Variants in CHDH observed in about 807,000 individuals in gnomAD.
CHDH encodes the protein choline dehydrogenase, mitochondrial.
Under a neutral mutation model 56.9 loss-of-function variants are expected in CHDH, and 43 were observed. The observed-to-expected ratio is 0.76, with a 90% CI of 0.59 to 0.97. The LOEUF (loss-of-function observed/expected upper bound fraction) is 0.97. Ranked by LOEUF, CHDH falls within the 50% of genes least tolerant of loss-of-function variation. CHDH has a pLI of 0.00. For synonymous variants in CHDH, 364 were observed against 348.5 expected, an observed-to-expected ratio of 1.04 and a Z score of -0.50; for missense variants, 816 against 821.1, an observed-to-expected ratio of 0.99 and a Z score of 0.08.
chr3:53,826,077 A>T (rs1308576115), intron 2 of CHDH, among the ~76,000 whole-genome samples: 1 of 152,168 alleles, frequency 6.6e-6, no homozygotes, highest in Non-Finnish European at 1.5e-5. Flanking sequence ...TCACACAAGC[A>T]GAAAGACACT....
Position 53,814,448 on chromosome 3 carries a change from G to C in CHDH, c.*3329C>G, listed in dbSNP as rs1035600244. On this transcript the variant is annotated 3_prime_UTR_variant, in exon 9 of 9. Coordinates refer to ENST00000315251, the MANE Select transcript of CHDH (RefSeq NM_018397.5). ...GGACTAGGAGGGCAGGAGACAATGA[G>C]GAGCAGGCCTGGGCCCTGGTTCCAA... is the stretch of plus-strand genomic sequence containing the variant. 1 of 152,196 alleles carries C rather than the reference G, an allele frequency of 6.6e-6. No individual in the cohort carries two copies. Among genetic ancestry groups the C allele is most frequent in the Non-Finnish European group, 1.5e-5 (1 of 68,034 alleles). 9.4% of individuals were successfully genotyped at this position (152,196 alleles called of 1,614,324 possible). A position where few individuals can be genotyped will look rare whatever the true frequency, so the allele number is the denominator to read the frequency against.
rs2095615549 is a variant in CHDH, at chr3:53,816,140, CCCCCCG to C, written c.*1631_*1636del. 8.3e-6 allele frequency: 1 copy of C among 120,762 alleles called. No homozygotes were observed. The highest frequency in any genetic ancestry group is 3.4e-5 in the African/African-American group (1 of 29,218). 7.5% of individuals were successfully genotyped at this position (120,762 alleles called of 1,614,324 possible). On this transcript the variant is annotated 3_prime_UTR_variant, in exon 9 of 9. Coordinates refer to ENST00000315251, the MANE Select transcript of CHDH (RefSeq NM_018397.5). ...AACTTGTGGCTGTCGGACGCCCCCC[CCCCCCG>C]CCCCAGTCTGTAAGCCGCCCCAATC...
chr3:53,827,522 G>C (rs917808767), intron 2 of CHDH, among the ~76,000 whole-genome samples: 2 of 152,188 alleles, frequency 1.3e-5, no homozygotes, highest in Non-Finnish European at 2.9e-5. Flanking sequence ...GTAACTGGGT[G>C]TGGTGGTGCA....
chr3:53,812,550 A>G lies in CHDH; in HGVS notation c.*5227T>C, dbSNP rs1559737809. Reference sequence around the variant, plus strand: ...ACCTTTGGATCCACCATGGGTTGCAACTGTCTTTGGTTTTGTTTGTTTGAC... The same window carrying G: ...ACCTTTGGATCCACCATGGGTTGCAGCTGTCTTTGGTTTTGTTTGTTTGAC... On this transcript the variant is annotated 3_prime_UTR_variant, in exon 9 of 9. Transcript: ENST00000315251. The G allele has an allele frequency of 1.3e-5, 2 of 149,186 alleles. No homozygotes were observed. Among genetic ancestry groups the G allele is most frequent in the African/African-American group, 5.1e-5 (2 of 39,382 alleles). The allele number at this position is 149,186 out of a possible 1,614,324, so 9.2% of individuals were successfully genotyped here.
At chr3:53,836,084 G>A (rs549876602) in intron 2 of CHDH, among the ~76,000 whole-genome samples, 5 of 152,334 alleles carry the variant, frequency 3.3e-5, no homozygotes, top group Middle Eastern at 3.4e-3. Flanking sequence ...GAGCACAACC[G>A]TCTGAATACC....
intron 2 of CHDH, among the ~76,000 whole-genome samples, chr3:53,838,806 T>G (rs996111173): frequency 6.6e-6 from 1 of 152,146 alleles, no homozygotes; most frequent in Non-Finnish European, 1.5e-5. Context: ...TATATAAAAA[T>G]GCACTATCCG....
At chr3:53,840,787 T>A (rs1407380639) in intron 2 of CHDH, 142 bp downstream of exon 2, 3 of 152,224 alleles carry the variant, frequency 2.0e-5, no homozygotes, top group Non-Finnish European at 2.9e-5. Context: ...AACATCTCTG[T>A]GGCACAGGGC....
chr3:53,832,513 C>G (rs915653856), intron 2 of CHDH, among the ~76,000 whole-genome samples: 1 of 151,682 alleles, frequency 6.6e-6, no homozygotes, highest in Non-Finnish European at 1.5e-5. Context: ...GCCTGGGCGA[C>G]AGAGCGAGAC....
At position 53,819,379 on chromosome 3, in the gene CHDH, G is replaced by A. The variant is rs187018201; in HGVS notation, c.1263+153C>T. Among the ~76,000 whole-genome samples, 34 of 152,264 alleles carry A rather than the reference G, an allele frequency of 2.2e-4. No individual in the cohort carries two copies. The highest frequency in any genetic ancestry group is 1.2e-3 in the East Asian group (6 of 5,188). On this transcript the variant is annotated intron_variant, in intron 7 of 8. Coordinates refer to ENST00000315251, the MANE Select transcript of CHDH (RefSeq NM_018397.5). This position sits in a 1 kb window ranked among gnomAD's most constrained non-coding sequence, Gnocchi z 5.4. Reference sequence around the variant, plus strand: ...TGGCATGCACCACGCAGACTGACACGCTGGGCAGCTGGAAGGCAGGGGACA... The same window carrying A: ...TGGCATGCACCACGCAGACTGACACACTGGGCAGCTGGAAGGCAGGGGACA...
intron 2 of CHDH, among the ~76,000 whole-genome samples, chr3:53,826,831 C>T (rs2095639925): frequency 6.6e-6 from 1 of 152,082 alleles, no homozygotes. Flanking sequence ...ACATGATTGT[C>T]CATATAGAAA....
At chr3:53,845,179 C>A (rs1698820476) in intron 1 of CHDH, among the ~76,000 whole-genome samples, 1 of 152,136 alleles carries the variant, frequency 6.6e-6, no homozygotes, top group Admixed American at 6.5e-5. Flanking sequence ...GTTCCTTGGT[C>A]AGGAAACAGA....
rs1374742410 is a variant in CHDH at position 53,812,389 on chromosome 3, T to C, written c.*5388A>G. On this transcript the variant is annotated 3_prime_UTR_variant, in exon 9 of 9. Transcript: ENST00000315251. ...ATCCTCTGGGGTTAAAATTTTAAGTTTGAAAGAACTTGACACTACAGAAAT... is the reference window on the plus strand; with the variant it reads ...ATCCTCTGGGGTTAAAATTTTAAGTCTGAAAGAACTTGACACTACAGAAAT... 6.6e-6 allele frequency: 1 copy of C among 152,212 alleles called. No individual in the cohort carries two copies. Among genetic ancestry groups the C allele is most frequent in the African/African-American group, 2.4e-5 (1 of 41,444 alleles). The allele number at this position is 152,212 out of a possible 1,614,324, so 9.4% of individuals were successfully genotyped here. A position where few individuals can be genotyped will look rare whatever the true frequency, so the allele number is the denominator to read the frequency against.
At chr3:53,838,308 C>T (rs1028562084) in intron 2 of CHDH, among the ~76,000 whole-genome samples, 10 of 151,848 alleles carry the variant, frequency 6.6e-5, no homozygotes, top group Admixed American at 1.3e-4. Context: ...CCCTTAGGGG[C>T]CCCTCCCAGA....
At position 53,820,341 on chromosome 3, in the gene CHDH, G is replaced by A. The variant is rs2095623796; in HGVS notation, c.1120+133C>T. 4.6e-6 allele frequency: 5 copies of A among 1,084,194 alleles called. No homozygotes were observed. In the Admixed American group the frequency reaches 1.4e-4, roughly 29 times the overall value. 67.2% of individuals were successfully genotyped at this position (1,084,194 alleles called of 1,614,324 possible). ...TCCCCATTTTGAAGATGGAAAAACTGAGGCTCAGGGCTAAGGTAAATGGCA... is the reference window on the plus strand; with the variant it reads ...TCCCCATTTTGAAGATGGAAAAACTAAGGCTCAGGGCTAAGGTAAATGGCA... On this transcript the variant is annotated intron_variant, in intron 6 of 8. Transcript: ENST00000315251.
rs2095610961 is a variant in CHDH, at chr3:53,813,878, T to G, written c.*3899A>C. On this transcript the variant is annotated 3_prime_UTR_variant, in exon 9 of 9. Coordinates refer to ENST00000315251, the MANE Select transcript of CHDH (RefSeq NM_018397.5). Reference sequence around the variant, plus strand: ...AATAACACATTTAGTTTCTTTAGTCTTATGTTTTTCATAATCTCACAAAAT... The same window carrying G: ...AATAACACATTTAGTTTCTTTAGTCGTATGTTTTTCATAATCTCACAAAAT... 6.6e-6 allele frequency: 1 copy of G among 152,250 alleles called. No homozygotes were observed. The highest frequency in any genetic ancestry group is 1.5e-5 in the Non-Finnish European group (1 of 68,052). The allele number at this position is 152,250 out of a possible 1,614,324, so 9.4% of individuals were successfully genotyped here.
At chr3:53,843,124 A>C (rs1698727293) in intron 1 of CHDH, among the ~76,000 whole-genome samples, 1 of 151,812 alleles carries the variant, frequency 6.6e-6, no homozygotes, top group Non-Finnish European at 1.5e-5. Context: ...CAAAGGTCGG[A>C]ATAACAATGA....
Position 53,817,508 on chromosome 3 carries a change from C to T in CHDH, c.*269G>A, listed in dbSNP as rs563519708. 6.4e-6 allele frequency: 3 copies of T among 471,262 alleles called. No homozygotes were observed. Among genetic ancestry groups the T allele is most frequent in the South Asian group, 4.1e-5 (1 of 24,232 alleles). The allele number at this position is 471,262 out of a possible 1,614,324, so 29.2% of individuals were successfully genotyped here. A position where few individuals can be genotyped will look rare whatever the true frequency, so the allele number is the denominator to read the frequency against. On this transcript the variant is annotated 3_prime_UTR_variant, in exon 9 of 9. Coordinates refer to ENST00000315251, the MANE Select transcript of CHDH (RefSeq NM_018397.5). Reference sequence around the variant, plus strand: ...GGAGTTAACCATCCTCCCCTTCTGTCCCTCCAGGAGGCAGGGAGGAACATC... The same window carrying T: ...GGAGTTAACCATCCTCCCCTTCTGTTCCTCCAGGAGGCAGGGAGGAACATC...
chr3:53,839,220 C>T (rs1473019932), intron 2 of CHDH, among the ~76,000 whole-genome samples: 4 of 152,208 alleles, frequency 2.6e-5, no homozygotes, highest in Non-Finnish European at 5.9e-5. Context: ...ACCTATAAAA[C>T]ATCCTTGCCC....
In CHDH at chr3:53,837,199, GA is replaced by G. The variant is rs1247657433; in HGVS notation, c.-60+3729del. Among the ~76,000 whole-genome samples the G allele has an allele frequency of 5.0e-3, 674 of 134,426 alleles. 4 individuals carry two copies. The highest frequency in any genetic ancestry group is 0.016 in the African/African-American group (578 of 36,620). 88.2% of individuals were successfully genotyped at this position (134,426 alleles called of 152,430 possible). ...ATAGAGCAAGACCCTGTCTCTAAAAGAAAAAAAAAAAAGGGCATTTTCTTTA... is the reference window on the plus strand; with the variant it reads ...ATAGAGCAAGACCCTGTCTCTAAAAGAAAAAAAAAAAGGGCATTTTCTTTA... On this transcript the variant is annotated intron_variant, in intron 2 of 8. Coordinates refer to ENST00000315251, the MANE Select transcript of CHDH (RefSeq NM_018397.5).
Sources: allele counts gnomAD v4.1 joint callset (sites outside exome capture counted in the v4.1 genomes callset), GRCh38; gene constraint gnomAD v4.1.1; non-coding constraint Gnocchi (gnomAD v3.1); transcripts MANE v1.5; gene names NCBI Gene and HGNC (gene_info 2026-07-23, HGNC 2026-07-21).